Variants in VAPA observed in about 807,000 individuals in gnomAD.
VAPA encodes vesicle-associated membrane protein-associated protein A.
VAPA carries 6 observed loss-of-function variants against 25.6 expected under a neutral mutation model. The observed-to-expected ratio is 0.23, with a 90% CI of 0.13 to 0.46. The LOEUF is 0.46. VAPA is among the 20% of genes least tolerant of loss of function. The pLI is 0.99. For synonymous variants in VAPA, 112 were observed against 106.2 expected (o/e 1.05, Z -0.34); for missense variants, 244 against 302.1 (o/e 0.81, Z 1.43).
intron 4 of VAPA, among the ~76,000 whole-genome samples, chr18:9,946,106 C>A (rs954063447): frequency 2.0e-5 from 3 of 151,924 alleles, no homozygotes; most frequent in Non-Finnish European, 4.4e-5. Flanking sequence ...TCTAATTAAC[C>A]CCCAGTAAAA....
intron 4 of VAPA, among the ~76,000 whole-genome samples, chr18:9,946,475 A>AT (rs35584230): frequency 0.36 from 53,130 of 146,402 alleles, 11,314 homozygotes; most frequent in Non-Finnish European, 0.49. Context: ...TTTTTGTGTG[A>AT]TTTTTTTTTT....
chr18:9,943,304 A>AT (rs1196939066), intron 4 of VAPA, among the ~76,000 whole-genome samples: 1 of 152,226 alleles, frequency 6.6e-6, no homozygotes, highest in Non-Finnish European at 1.5e-5. Flanking sequence ...GATCATAGAT[A>AT]AAGTGCCCCA....
chr18:9,925,653 AC>A (rs2069194523), intron 1 of VAPA, among the ~76,000 whole-genome samples: 1 of 152,238 alleles, frequency 6.6e-6, no homozygotes, highest in Admixed American at 6.5e-5. Flanking sequence ...TTTGAAAAAA[AC>A]ATACAGTAAG....
chr18:9,943,841 CTTTTTTTTTTTTTTTTTTTT>C (rs71169911), intron 4 of VAPA, among the ~76,000 whole-genome samples: 58 of 51,772 alleles, frequency 1.1e-3, no homozygotes, highest in Admixed American at 4.3e-3. Flanking sequence ...ACATATTTCC[CTTTTTTTTTTTTTTTTTTTT>C]TTTTTTTTTT....
At chr18:9,921,334 A>G (rs2069155204) in intron 1 of VAPA, among the ~76,000 whole-genome samples, 1 of 152,110 alleles carries the variant, frequency 6.6e-6, no homozygotes, top group Non-Finnish European at 1.5e-5. Flanking sequence ...TGTTTTTTTC[A>G]TTTGTAAAGT....
intron 1 of VAPA, 95 bp from the exon 2 acceptor site, chr18:9,931,715 A>C: frequency 9.2e-7 from 1 of 1,082,876 alleles, no homozygotes; most frequent in Non-Finnish European, 1.3e-6. Context: ...GTCAGCACTT[A>C]ATTAAAATTG....
rs1457178331 is a variant in VAPA, at chr18:9,942,959, C to T, written c.417+5893C>T. On this transcript the variant is annotated intron_variant, in intron 4 of 5. Coordinates refer to ENST00000400000, the MANE Select transcript of VAPA (RefSeq NM_194434.3). ...ATCAAGTATGTTGTATGCGTATACC[C>T]CACTTGTGTGAGGATTTTGATCTTT... 6.6e-5 allele frequency among the ~76,000 whole-genome samples: 10 copies of T among 152,270 alleles called. No homozygotes were observed. The East Asian group carries it at 1.9e-3, about 29-fold the overall frequency.
At chr18:9,949,588 A>C (rs2069465365) in intron 4 of VAPA, 1 of 152,226 alleles carries the variant, frequency 6.6e-6, no homozygotes, top group African/African-American at 2.4e-5. Context: ...ATTTTACCTA[A>C]AATTATTTTA....
At chr18:9,942,718 C>T (rs988367589) in intron 4 of VAPA, among the ~76,000 whole-genome samples, 1 of 152,038 alleles carries the variant, frequency 6.6e-6, no homozygotes, top group African/African-American at 2.4e-5. Flanking sequence ...GTGGTGGGAA[C>T]AGGAGCAAGA....
intron 1 of VAPA, among the ~76,000 whole-genome samples, chr18:9,919,232 T>C (rs1335305238): frequency 2.0e-5 from 3 of 152,216 alleles, no homozygotes; most frequent in Non-Finnish European, 2.9e-5. Context: ...AGAAACAATA[T>C]GCATATCTAA....
chr18:9,922,610 A>T (rs2069166671), intron 1 of VAPA, among the ~76,000 whole-genome samples: 1 of 152,110 alleles, frequency 6.6e-6, no homozygotes, highest in Non-Finnish European at 1.5e-5. Flanking sequence ...TCACCTTGAA[A>T]CACAACTATA....
At position 9,956,877 on chromosome 18, in the gene VAPA, T is replaced by C. The variant is rs1419796711; in HGVS notation, c.*2666T>C. 6.6e-6 allele frequency: 1 copy of C among 152,154 alleles called. No homozygotes were observed. The highest frequency in any genetic ancestry group is 2.4e-5 in the African/African-American group (1 of 41,430). 9.4% of individuals were successfully genotyped at this position (152,154 alleles called of 1,614,324 possible). On this transcript the variant is annotated 3_prime_UTR_variant, in exon 6 of 6. Transcript: ENST00000400000. Reference sequence around the variant, plus strand: ...GTGACACTGAATGCACTAGCTTCCTTCGTTCTATAACTAATGTACCTTAAC... The same window carrying C: ...GTGACACTGAATGCACTAGCTTCCTCCGTTCTATAACTAATGTACCTTAAC...
chr18:9,937,767 C>G (rs1176106672), intron 4 of VAPA, among the ~76,000 whole-genome samples: 1 of 151,846 alleles, frequency 6.6e-6, no homozygotes, highest in Non-Finnish European at 1.5e-5. Context: ...TGACTTAATA[C>G]ATACAATAAT....
In VAPA at chr18:9,950,493, A is replaced by G. The variant is rs762450831; in HGVS notation, c.516A>G (p.Thr172=). ...GTGTTTCACTTAATGATACCGAAAC[A>G]AGGAAACTAATGGAAGAGTGTAAAA... is the stretch of plus-strand genomic sequence containing the variant. ...PHSVSLNDTE[T]RKLMEECKRL... is the part of the protein sequence containing the mutation. The change falls in exon 5 of 6, where the codon ACA becomes ACG. Residue 172 remains threonine, a synonymous_variant. Coordinates refer to ENST00000400000, the MANE Select transcript of VAPA (RefSeq NM_194434.3). 6.2e-7 allele frequency: 1 copy of G among 1,614,150 alleles called. No homozygotes were observed. The highest frequency in any genetic ancestry group is 8.5e-7 in the Non-Finnish European group (1 of 1,180,014).
intron 2 of VAPA, among the ~76,000 whole-genome samples, chr18:9,933,665 G>A (rs1380065575): frequency 1.3e-5 from 2 of 152,134 alleles, no homozygotes; most frequent in Non-Finnish European, 2.9e-5. Context: ...AGCCACTTGA[G>A]TAGCTAGGAT....
chr18:9,935,094 CAAAAAAAAAA>C (rs34998578), intron 2 of VAPA, among the ~76,000 whole-genome samples: 96 of 86,864 alleles, frequency 1.1e-3, no homozygotes, highest in Non-Finnish European at 1.9e-3. Flanking sequence ...GACTCCGTCT[CAAAAAAAAAA>C]AAAAAAAAAC....
chr18:9,918,603 G>A (rs1440606188), intron 1 of VAPA, among the ~76,000 whole-genome samples: 1 of 151,968 alleles, frequency 6.6e-6, no homozygotes, highest in Non-Finnish European at 1.5e-5. Context: ...TGTCTTATTT[G>A]TGGCATTTTC....
At chr18:9,925,508 G>GTACAAAAATATTTA (rs1052468210) in intron 1 of VAPA, among the ~76,000 whole-genome samples, 1 of 151,746 alleles carries the variant, frequency 6.6e-6, no homozygotes, top group Non-Finnish European at 1.5e-5. Flanking sequence ...TACTCTATTT[G>GTACAAAAATATTTA]TACAAAAATA....
At chr18:9,936,567 CAAAA>C (rs1368437779) in intron 3 of VAPA, 41 of 194,788 alleles carry the variant, frequency 2.1e-4, no homozygotes, top group Admixed American at 8.4e-4. Flanking sequence ...AACAAACAAA[CAAAA>C]AACAAAAAAA....
Sources: allele counts gnomAD v4.1 joint callset (sites outside exome capture counted in the v4.1 genomes callset), GRCh38; gene constraint gnomAD v4.1.1; transcripts MANE v1.5; gene names NCBI Gene and HGNC (gene_info 2026-07-23, HGNC 2026-07-21).